SRPK2: variants seen among roughly 807,000 people sequenced by gnomAD.
SRPK2 encodes SFRS protein kinase 2.
Under a neutral mutation model 90.8 loss-of-function variants are expected in SRPK2, and 21 were observed. The observed-to-expected ratio is 0.23, with a 90% CI of 0.16 to 0.33. SRPK2 has a LOEUF of 0.33. SRPK2 is among the 10% of genes least tolerant of loss of function. The probability of loss-of-function intolerance (pLI) is 1.00; values close to 1 mark genes in which losing one functional copy is unlikely to be tolerated. For synonymous variants in SRPK2, 288 were observed against 311.1 expected, an observed-to-expected ratio of 0.93 and a Z score of 0.78; for missense variants, 620 against 869.0, an observed-to-expected ratio of 0.71 and a Z score of 3.60.
chr7:105,372,134 CATA>C (rs1436202875), intron 2 of SRPK2, among the ~76,000 whole-genome samples: 3 of 58,370 alleles, frequency 5.1e-5, no homozygotes, highest in Non-Finnish European at 9.3e-5. Flanking sequence ...GACTCCAACT[CATA>C]AAAAAAAAAA....
chr7:105,215,525 C>T (rs931032852), intron 2 of SRPK2, among the ~76,000 whole-genome samples: 7 of 152,242 alleles, frequency 4.6e-5, no homozygotes, highest in South Asian at 4.1e-4. Context: ...CACACAAAAA[C>T]GTGTACATGA....
At chr7:105,148,760 G>T (rs563154769) in intron 7 of SRPK2, among the ~76,000 whole-genome samples, 209 of 152,290 alleles carry the variant, frequency 1.4e-3, no homozygotes, top group African/African-American at 4.8e-3. Context: ...TTGTTAATTT[G>T]TAGCTTTGCC....
At chr7:105,281,843 G>C (rs773543731) in intron 2 of SRPK2, among the ~76,000 whole-genome samples, 2 of 152,232 alleles carry the variant, frequency 1.3e-5, no homozygotes, top group South Asian at 2.1e-4. Context: ...TCCTGTGTTC[G>C]TGGATGGGAA....
At chr7:105,298,352 A>G (rs534712084) in intron 2 of SRPK2, among the ~76,000 whole-genome samples, 5 of 152,198 alleles carry the variant, frequency 3.3e-5, no homozygotes, top group Non-Finnish European at 7.3e-5. Context: ...ATTGTTATGG[A>G]TGTATCAGAG....
At chr7:105,149,101 A>G (rs906799070) in intron 7 of SRPK2, among the ~76,000 whole-genome samples, 1 of 152,178 alleles carries the variant, frequency 6.6e-6, no homozygotes. Context: ...GTCTGTGCTG[A>G]GATGGATTAG....
At chr7:105,176,506 A>G (rs1446366858) in intron 3 of SRPK2, among the ~76,000 whole-genome samples, 1 of 151,818 alleles carries the variant, frequency 6.6e-6, no homozygotes, top group Non-Finnish European at 1.5e-5. Flanking sequence ...AAGAAATAAA[A>G]TTTATCTTTA....
intron 3 of SRPK2, among the ~76,000 whole-genome samples, chr7:105,185,176 T>C (rs1383209435): frequency 2.0e-5 from 3 of 151,920 alleles, no homozygotes; most frequent in African/African-American, 7.3e-5. Flanking sequence ...AATGAGAAAG[T>C]CTTAGCTGAG....
chr7:105,350,083 C>A (rs1252964381), intron 2 of SRPK2, among the ~76,000 whole-genome samples: 2 of 147,688 alleles, frequency 1.4e-5, no homozygotes, highest in East Asian at 4.0e-4. Flanking sequence ...AAATATATCA[C>A]CTGAATTTTT....
intron 2 of SRPK2, among the ~76,000 whole-genome samples, chr7:105,313,224 T>C (rs1349100107): frequency 1.3e-5 from 2 of 149,492 alleles, no homozygotes; most frequent in South Asian, 2.1e-4. Context: ...CATGGGCGGA[T>C]TGCCTGAGCT....
chr7:105,277,940 G>A (rs1000877054), intron 2 of SRPK2, among the ~76,000 whole-genome samples: 2 of 152,320 alleles, frequency 1.3e-5, no homozygotes, highest in East Asian at 1.9e-4. Flanking sequence ...AATGATAAAT[G>A]AGGATAGAGG....
chr7:105,169,787 C>T (rs1294507491), intron 3 of SRPK2, among the ~76,000 whole-genome samples: 1 of 152,154 alleles, frequency 6.6e-6, no homozygotes, highest in Non-Finnish European at 1.5e-5. Context: ...AACCATCTAG[C>T]ACACCGTAAT....
intron 2 of SRPK2, among the ~76,000 whole-genome samples, chr7:105,346,647 G>A (rs528976066): frequency 8.9e-4 from 135 of 152,026 alleles, no homozygotes; most frequent in Non-Finnish European, 1.4e-3. Flanking sequence ...CCAGCTACTC[G>A]GAAGGCTGAG....
At position 105,287,169 on chromosome 7, in the gene SRPK2, G is replaced by A. The variant is rs538701672; in HGVS notation, c.72-83384C>T. On this transcript the variant is annotated intron_variant, in intron 2 of 15. Transcript: ENST00000393651. Reference sequence around the variant, plus strand: ...CCAGCTACTTGGGAGGCTGAGGCAGGAGAATGGCGTGAACCCGGGAGGCGG... The same window carrying A: ...CCAGCTACTTGGGAGGCTGAGGCAGAAGAATGGCGTGAACCCGGGAGGCGG... Among the ~76,000 whole-genome samples, 30 of 149,476 alleles carry A rather than the reference G, an allele frequency of 2.0e-4. No individual in the cohort carries two copies. In the East Asian group the frequency reaches 5.5e-3, roughly 27 times the overall value.
At chr7:105,137,238 A>C (rs1158788645) in intron 11 of SRPK2, among the ~76,000 whole-genome samples, 2 of 152,190 alleles carry the variant, frequency 1.3e-5, no homozygotes, top group African/African-American at 4.8e-5. Context: ...GAATTAGGGA[A>C]ACAGAGAATG....
intron 3 of SRPK2, among the ~76,000 whole-genome samples, chr7:105,196,376 T>C (rs979513294): frequency 6.6e-6 from 1 of 152,248 alleles, no homozygotes; most frequent in East Asian, 1.9e-4. Context: ...CACACGTCTA[T>C]AAAATACTTC....
At position 105,180,088 on chromosome 7, in the gene SRPK2, A is replaced by G. The variant is rs1050859372; in HGVS notation, c.230-10823T>C. On this transcript the variant is annotated intron_variant, in intron 3 of 15. Coordinates refer to ENST00000393651, the MANE Select transcript of SRPK2 (RefSeq NM_182692.3). ...CAGAATTAGAAAGATCTTAAAGTCC[A>G]TAAGGAACCAAAAAAGCCCAAATAG... Among the ~76,000 whole-genome samples the G allele has an allele frequency of 2.6e-5, 4 of 152,194 alleles. No individual in the cohort carries two copies. In the South Asian group the frequency reaches 8.3e-4, roughly 31 times the overall value.
In SRPK2 at chr7:105,142,193, C is replaced by T. The variant is rs1251324810; in HGVS notation, c.1358G>A (p.Arg453Gln). 1.9e-6 allele frequency: 3 copies of T among 1,614,048 alleles called. No homozygotes were observed. The highest frequency in any genetic ancestry group is 2.2e-5 in the East Asian group (1 of 44,878). ...EQFNGELPNG[R>Q]HKIPESQFPE... is the part of the protein sequence containing the mutation. ...GAACTGTGACTCGGGAATTTTATGT[C>T]GTCCATTTGGCAATTCACCATTGAA... The change falls in exon 11 of 16, where the codon CGA becomes CAA. Residue 453 changes from arginine to glutamine, a missense_variant. Physicochemically the swap from Arg to Gln is conservative, Grantham distance 43. Around this residue, in one of 8 missense-constraint regions of SRPK2, gnomAD observed 243 missense variants for 245.7 expected, o/e 0.99. Coordinates refer to ENST00000393651, the MANE Select transcript of SRPK2 (RefSeq NM_182692.3).
At chr7:105,389,399 G>A, upstream of SRPK2, 2 of 1,245,614 alleles carry the variant, frequency 1.6e-6, no homozygotes, top group East Asian at 7.6e-5. Flanking sequence ...TCCGGCAGGC[G>A]TGGAAAGGGC....
chr7:105,252,203 T>A (rs1802569227), intron 2 of SRPK2, among the ~76,000 whole-genome samples: 1 of 152,164 alleles, frequency 6.6e-6, no homozygotes, highest in Non-Finnish European at 1.5e-5. Context: ...GACAAATAAC[T>A]GAGTGCAGTT....
Sources: allele counts gnomAD v4.1 joint callset (sites outside exome capture counted in the v4.1 genomes callset), GRCh38; gene constraint gnomAD v4.1.1; regional missense constraint gnomAD v4.1.1; transcripts MANE v1.5; gene names NCBI Gene and HGNC (gene_info 2026-07-23, HGNC 2026-07-21).